SCFD2: variants seen among roughly 807,000 people sequenced by gnomAD.
SCFD2 encodes the protein sec1 family domain-containing protein 2.
SCFD2 carries 54 observed loss-of-function variants against 58.9 expected under a neutral mutation model. The ratio of observed to expected loss-of-function variants is 0.92; its 90% confidence interval spans 0.74 to 1.15. The LOEUF (loss-of-function observed/expected upper bound fraction) is 1.15. Ranked by LOEUF, SCFD2 falls within the 50% of genes most tolerant of loss-of-function variation. The pLI, the probability that SCFD2 is intolerant of heterozygous loss-of-function variation, is 0.00. For synonymous variants in SCFD2, 321 were observed against 335.9 expected, an observed-to-expected ratio of 0.96 and a Z score of 0.49; for missense variants, 805 against 836.6, an observed-to-expected ratio of 0.96 and a Z score of 0.47.
intron 5 of SCFD2, among the ~76,000 whole-genome samples, chr4:52,977,714 A>C (rs1185122128): frequency 6.6e-6 from 1 of 152,198 alleles, no homozygotes; most frequent in Non-Finnish European, 1.5e-5. Flanking sequence ...TGAACATATA[A>C]TAAAGAGGAA....
rs535850023 is a variant in SCFD2, at chr4:53,187,474, A to G, written c.1312-41892T>C. ...TGACCTAGGAAATTGAGGCATTTAT[A>G]CCAAGGAAATAATCACTGATATGCA... On this transcript the variant is annotated intron_variant, in intron 4 of 8. Coordinates refer to ENST00000401642, the MANE Select transcript of SCFD2 (RefSeq NM_152540.4). Among the ~76,000 whole-genome samples, 4 of 152,268 alleles carry G rather than the reference A, an allele frequency of 2.6e-5. No homozygotes were observed. The South Asian group carries it at 8.3e-4, about 32-fold the overall frequency.
chr4:53,361,615 T>G (rs921786399), intron 1 of SCFD2, among the ~76,000 whole-genome samples: 2 of 152,194 alleles, frequency 1.3e-5, no homozygotes, highest in Non-Finnish European at 2.9e-5. Flanking sequence ...CAGGCTGTTC[T>G]TGAATTCCTA....
At position 52,992,745 on chromosome 4, in the gene SCFD2, G is replaced by A. The variant is rs930347290; in HGVS notation, c.1562-71875C>T. 6.6e-5 allele frequency among the ~76,000 whole-genome samples: 10 copies of A among 151,964 alleles called. No individual in the cohort carries two copies. In the South Asian group the frequency reaches 1.3e-3, roughly 19 times the overall value. ...CGTCTGAGAAGTGAAGAGCCCCTCC[G>A]CCCGGCAGCCGCCCCATGTGTGAAG... On this transcript the variant is annotated intron_variant, in intron 5 of 8. Coordinates refer to ENST00000401642, the MANE Select transcript of SCFD2 (RefSeq NM_152540.4).
intron 5 of SCFD2, among the ~76,000 whole-genome samples, chr4:53,059,917 G>C (rs1477477170): frequency 2.0e-5 from 3 of 152,070 alleles, no homozygotes; most frequent in Admixed American, 2.0e-4. Context: ...CAGTGCTACA[G>C]TAACTAGATA....
At chr4:53,212,471 A>AAAAT (rs61123203) in intron 4 of SCFD2, among the ~76,000 whole-genome samples, 12 of 148,128 alleles carry the variant, frequency 8.1e-5, no homozygotes, top group East Asian at 7.9e-4. Flanking sequence ...AAGAAAGCAA[A>AAAAT]AAATAAATAA....
intron 4 of SCFD2, among the ~76,000 whole-genome samples, chr4:53,238,252 G>A (rs1397633166): frequency 7.5e-5 from 10 of 133,924 alleles, no homozygotes; most frequent in Non-Finnish European, 1.3e-4. Flanking sequence ...CAGTAGGGGC[G>A]GCCAGGCAGA....
intron 4 of SCFD2, among the ~76,000 whole-genome samples, chr4:53,225,857 C>A (rs1729195691): frequency 6.6e-6 from 1 of 152,228 alleles, no homozygotes; most frequent in African/African-American, 2.4e-5. Context: ...GTGGCTTTCC[C>A]CCTTTGTGAT....
intron 4 of SCFD2, among the ~76,000 whole-genome samples, chr4:53,243,478 A>C (rs1729965884): frequency 6.6e-6 from 1 of 152,218 alleles, no homozygotes; most frequent in Admixed American, 6.5e-5. Context: ...ATCTGAAAAA[A>C]ACACTAAATA....
At chr4:52,973,062 A>G (rs1191130949) in intron 5 of SCFD2, among the ~76,000 whole-genome samples, 4 of 152,142 alleles carry the variant, frequency 2.6e-5, no homozygotes, top group South Asian at 2.1e-4. Flanking sequence ...ACAAGAGAAA[A>G]CAGGAAAGAT....
At chr4:53,234,705 C>A (rs1017068508) in intron 4 of SCFD2, among the ~76,000 whole-genome samples, 21 of 152,286 alleles carry the variant, frequency 1.4e-4, no homozygotes, top group African/African-American at 4.3e-4. Context: ...CGTTTAAGAG[C>A]ACAAGCATCA....
intron 5 of SCFD2, among the ~76,000 whole-genome samples, chr4:52,964,506 G>T (rs1250350620): frequency 6.6e-6 from 1 of 152,206 alleles, no homozygotes; most frequent in Admixed American, 6.5e-5. Context: ...CAGCACTGAA[G>T]TAATCTCCAT....
intron 4 of SCFD2, among the ~76,000 whole-genome samples, chr4:53,158,758 A>G (rs1399006826): frequency 1.3e-5 from 2 of 152,228 alleles, no homozygotes; most frequent in African/African-American, 2.4e-5. Context: ...CTTGGCCCCA[A>G]TTAACTGCTT....
intron 2 of SCFD2, among the ~76,000 whole-genome samples, chr4:53,342,171 TAA>T (rs1220296951): frequency 3.3e-5 from 5 of 152,052 alleles, no homozygotes; most frequent in Non-Finnish European, 1.5e-5. Context: ...GCAAATTGGA[TAA>T]AGAGTCAAGA....
chr4:53,092,972 C>T (rs146504165), intron 5 of SCFD2, among the ~76,000 whole-genome samples: 3 of 152,142 alleles, frequency 2.0e-5, no homozygotes, highest in African/African-American at 7.2e-5. Context: ...AAGAGTGAGT[C>T]ACGTGGATAT....
rs540260525 is a variant in SCFD2 at position 53,344,119 on chromosome 4, A to T, written c.1007+8479T>A. Among the ~76,000 whole-genome samples the T allele has an allele frequency of 2.2e-3, 335 of 151,880 alleles. 8 individuals are homozygous for T. The highest frequency in any genetic ancestry group is 3.9e-3 in the Non-Finnish European group (262 of 67,918). On this transcript the variant is annotated intron_variant, in intron 2 of 8. Transcript: ENST00000401642. ...GCCAGGGCAATCACGCAGGTGAAAG[A>T]AATAAAGGATATTCAATTAGGAAAA...
At chr4:53,130,697 C>G (rs889688924) in intron 5 of SCFD2, among the ~76,000 whole-genome samples, 1 of 152,134 alleles carries the variant, frequency 6.6e-6, no homozygotes, top group South Asian at 2.1e-4. Flanking sequence ...TGGGACTGAT[C>G]TACAACCTCT....
chr4:53,268,513 T>C (rs900290784), intron 4 of SCFD2, among the ~76,000 whole-genome samples: 4 of 152,026 alleles, frequency 2.6e-5, no homozygotes, highest in African/African-American at 9.7e-5. Flanking sequence ...TGTAGGACTC[T>C]GAGCGGGGTG....
At chr4:53,154,987 A>G (rs1283871842) in intron 4 of SCFD2, among the ~76,000 whole-genome samples, 4 of 152,252 alleles carry the variant, frequency 2.6e-5, no homozygotes, top group Non-Finnish European at 5.9e-5. Context: ...CCAGAAAGAG[A>G]GACAACCCTG....
intron 4 of SCFD2, among the ~76,000 whole-genome samples, chr4:53,271,354 C>T (rs542121890): frequency 6.6e-6 from 1 of 151,690 alleles, no homozygotes; most frequent in African/African-American, 2.4e-5. Context: ...AACAGCCTAA[C>T]TAAACATCAG....
Sources: gnomAD v4.1 joint callset for allele counts (sites outside exome capture counted in the v4.1 genomes callset) on GRCh38, gnomAD v4.1.1 for gene constraint, MANE v1.5 for transcripts, NCBI Gene and HGNC (gene_info 2026-07-23, HGNC 2026-07-21) for gene names.